Variants in SRGAP2C observed in about 807,000 individuals in gnomAD.
SRGAP2C encodes the protein SLIT-ROBO Rho GTPase activating protein 2C, also known as SLIT-ROBO Rho GTPase-activating protein 2C.
Under a neutral mutation model 25.1 loss-of-function variants are expected in SRGAP2C, and 15 were observed. The observed-to-expected ratio is 0.60, with a 90% CI of 0.40 to 0.92. The LOEUF (loss-of-function observed/expected upper bound fraction) is 0.92. Among genes scored for constraint, SRGAP2C ranks in the 40% least tolerant of loss-of-function variants. The pLI is 0.00. For missense variants in SRGAP2C, 144 were observed against 264.4 expected, an observed-to-expected ratio of 0.54 and a Z score of 3.16; for synonymous variants, 44 against 96.6, an observed-to-expected ratio of 0.46 and a Z score of 3.19.
chr1:121,280,233 CAAGGGAAGCTGCA>C (rs1657210310), intron 2 of SRGAP2C, among the ~76,000 whole-genome samples: 1 of 146,616 alleles, frequency 6.8e-6, no homozygotes, highest in Non-Finnish European at 1.5e-5. Context: ...GTTCCTCTTG[CAAGGGAAGCTGCA>C]ATTTTTATTC....
chr1:121,191,121 C>T (rs1553319683), intron 2 of SRGAP2C, among the ~76,000 whole-genome samples: 1 of 151,936 alleles, frequency 6.6e-6, no homozygotes, highest in East Asian at 1.9e-4. Flanking sequence ...TATTCTTAGT[C>T]TTTTTACATA....
At chr1:121,304,274 G>T (rs1252428278) in intron 3 of SRGAP2C, among the ~76,000 whole-genome samples, 2 of 134,982 alleles carry the variant, frequency 1.5e-5, no homozygotes, top group African/African-American at 5.5e-5. Context: ...CTACTGACTA[G>T]ATTTTAATAC....
chr1:121,362,779 A>T (rs1454064870), intron 4 of SRGAP2C: 1 of 142,222 alleles, frequency 7.0e-6, no homozygotes, highest in Non-Finnish European at 1.5e-5. Context: ...GCTTCAGTGG[A>T]GCTCAGCTTT....
chr1:121,278,199 G>T (rs1450413591), intron 2 of SRGAP2C, among the ~76,000 whole-genome samples: 1 of 151,870 alleles, frequency 6.6e-6, no homozygotes, highest in Non-Finnish European at 1.5e-5. Context: ...GGCCCACCTC[G>T]GCTTCCCAAA....
chr1:121,185,497 C>T, intron 1 of SRGAP2C: 2 of 522,704 alleles, frequency 3.8e-6, no homozygotes, highest in Non-Finnish European at 5.8e-6. Flanking sequence ...CGGCCTCCTC[C>T]AGTGTCTCCC....
chr1:121,193,642 G>T (rs1313130592), intron 2 of SRGAP2C, among the ~76,000 whole-genome samples: 3 of 26,062 alleles, frequency 1.2e-4, no homozygotes, highest in Non-Finnish European at 2.0e-4. Flanking sequence ...GTGAACATAG[G>T]TGTAACATAG....
At chr1:121,270,009 G>C (rs1267804992) in intron 2 of SRGAP2C, among the ~76,000 whole-genome samples, 40 of 149,132 alleles carry the variant, frequency 2.7e-4, no homozygotes, top group Non-Finnish European at 5.4e-4. Flanking sequence ...CAACTTGCAT[G>C]CTCCCATTTT....
intron 4 of SRGAP2C, among the ~76,000 whole-genome samples, chr1:121,348,538 T>A (rs1453141201): frequency 1.3e-5 from 2 of 151,932 alleles, no homozygotes; most frequent in Non-Finnish European, 2.9e-5. Context: ...CACAACCTTT[T>A]CTGCAGTATA....
chr1:121,309,667 T>C (rs1240133928), intron 3 of SRGAP2C, among the ~76,000 whole-genome samples: 1 of 139,398 alleles, frequency 7.2e-6, no homozygotes, highest in Non-Finnish European at 1.6e-5. Context: ...AGTGAGAATA[T>C]GCGGTGTTTG....
At chr1:121,256,033 G>A (rs1229462671) in intron 2 of SRGAP2C, among the ~76,000 whole-genome samples, 1 of 111,904 alleles carries the variant, frequency 8.9e-6, no homozygotes, top group South Asian at 3.7e-4. Flanking sequence ...TAATCCCAGA[G>A]GCTGGAGTGG....
intron 2 of SRGAP2C, among the ~76,000 whole-genome samples, chr1:121,269,859 T>TTAGA (rs1656896816): frequency 6.7e-6 from 1 of 148,808 alleles, no homozygotes; most frequent in Non-Finnish European, 1.5e-5. Context: ...TATCTTCACT[T>TTAGA]TAGATGATTG....
intron 2 of SRGAP2C, among the ~76,000 whole-genome samples, chr1:121,279,978 C>T (rs1657204650): frequency 6.6e-6 from 1 of 151,574 alleles, no homozygotes; most frequent in Admixed American, 6.6e-5. Context: ...TGGTGCTCAA[C>T]AGAATATGCT....
At chr1:121,207,714 A>T (rs1382149226) in intron 2 of SRGAP2C, among the ~76,000 whole-genome samples, 68 of 152,284 alleles carry the variant, frequency 4.5e-4, no homozygotes, top group African/African-American at 1.6e-3. Context: ...AGATATTGGC[A>T]GTTGAACTTA....
chr1:121,192,308 G>A (rs189038055), intron 2 of SRGAP2C, among the ~76,000 whole-genome samples: 28 of 152,064 alleles, frequency 1.8e-4, no homozygotes, highest in Admixed American at 5.9e-4. Flanking sequence ...ACATTTAGTT[G>A]GAATCCTCAA....
intron 3 of SRGAP2C, among the ~76,000 whole-genome samples, chr1:121,314,402 G>A (rs1280534344): frequency 3.9e-5 from 6 of 151,978 alleles, no homozygotes; most frequent in Non-Finnish European, 8.8e-5. Context: ...TAATTTGATC[G>A]TCTGAAGCCT....
rs1658634038 is a variant in SRGAP2C at position 121,340,725 on chromosome 1, A to C, written c.423+16085A>C. ...AAAGAATTGGGCCGATGTTCTTTTA[A>C]TTACCTGCTGCCAGGATTCTCAATT... On this transcript the variant is annotated intron_variant, in intron 4 of 9. Coordinates refer to ENST00000367123, the MANE Select transcript of SRGAP2C (RefSeq NM_001329984.2). Among the ~76,000 whole-genome samples the C allele has an allele frequency of 2.4e-4, 37 of 151,758 alleles. 1 individual carries two copies. In the South Asian group the frequency reaches 7.5e-3, roughly 31 times the overall value.
chr1:121,239,024 C>CT (rs1224933181), intron 2 of SRGAP2C, among the ~76,000 whole-genome samples: 1 of 131,022 alleles, frequency 7.6e-6, no homozygotes, highest in Non-Finnish European at 1.6e-5. Flanking sequence ...GAGGCAATAA[C>CT]AGTTTAGATA....
In SRGAP2C at chr1:121,185,139, C is replaced by T. The variant is rs1470270164; in HGVS notation, c.-543+15C>T. On this transcript the variant is annotated intron_variant, in intron 1 of 9. Transcript: ENST00000367123. The stretch of plus-strand genomic sequence containing the variant: ...GTCAGAGCCAGGTAAAGGCTCCTTC[C>T]CTCTTCCTTTTCTTCCTCCCGGCCG... The T allele has an allele frequency of 2.2e-5, 10 of 462,100 alleles. 1 individual carries two copies. The Middle Eastern group carries it at 1.6e-3, about 75-fold the overall frequency. 28.6% of individuals were successfully genotyped at this position (462,100 alleles called of 1,614,324 possible).
intron 2 of SRGAP2C, among the ~76,000 whole-genome samples, chr1:121,249,568 ATATATATATATATTT>A (rs1157515106): frequency 0.055 from 2,002 of 36,454 alleles, 41 homozygotes; most frequent in Admixed American, 0.09. Flanking sequence ...ATATATATAT[ATATATATATATATTT>A]TTTTTTTTTT....
Sources: gnomAD v4.1 joint callset for allele counts (sites outside exome capture counted in the v4.1 genomes callset) on GRCh38, gnomAD v4.1.1 for gene constraint, MANE v1.5 for transcripts, NCBI Gene and HGNC (gene_info 2026-07-23, HGNC 2026-07-21) for gene names.